The following NKAIN3 variants were observed in gnomAD, a reference collection of about 807,000 sequenced individuals.
NKAIN3 encodes sodium/potassium transporting ATPase interacting 3.
NKAIN3 carries 25 observed loss-of-function variants against 30.2 expected under a neutral mutation model. The ratio of observed to expected loss-of-function variants is 0.83; its 90% CI spans 0.60 to 1.16. NKAIN3 has a LOEUF of 1.16. Ranked by LOEUF, NKAIN3 falls within the 50% of genes most tolerant of loss-of-function variation. NKAIN3 has a pLI of 0.00. For synonymous variants in NKAIN3, 91 were observed against 89.6 expected (o/e 1.02, Z -0.09); for missense variants, 225 against 254.1 (o/e 0.89, Z 0.78).
chr8:62,340,074 C>T (rs529939201), intron 1 of NKAIN3, among the ~76,000 whole-genome samples: 1 of 151,948 alleles, frequency 6.6e-6, no homozygotes, highest in Non-Finnish European at 1.5e-5. Flanking sequence ...AAGAGTATAA[C>T]AAATTTATTT....
chr8:62,942,234 A>G (rs1189476306), intron 5 of NKAIN3, among the ~76,000 whole-genome samples: 1 of 141,746 alleles, frequency 7.1e-6, no homozygotes, highest in African/African-American at 2.7e-5. Flanking sequence ...ACATATATAT[A>G]CACATATATA....
intron 1 of NKAIN3, among the ~76,000 whole-genome samples, chr8:62,550,614 G>C (rs1809172682): frequency 6.6e-6 from 1 of 152,170 alleles, no homozygotes; most frequent in African/African-American, 2.4e-5. Context: ...GTTTAAAAGA[G>C]TAAAGTTCTC....
intron 4 of NKAIN3, among the ~76,000 whole-genome samples, chr8:62,792,932 A>G (rs918934786): frequency 6.6e-6 from 1 of 152,168 alleles, no homozygotes; most frequent in African/African-American, 2.4e-5. Flanking sequence ...TACTAAACCC[A>G]TGAAGGGCTT....
In NKAIN3 at chr8:62,982,234, G is replaced by A. The variant is rs1824099366; in HGVS notation, c.*16827G>A. ...TTAAGAACAGGTACCATTTTCTCCA[G>A]ATACTTCCCCTTCATCTGTCCTGAA... On this transcript the variant is annotated 3_prime_UTR_variant, in exon 7 of 7. Transcript: ENST00000623646. 1 of 152,108 alleles carries A rather than the reference G, an allele frequency of 6.6e-6. No individual in the cohort carries two copies. The highest frequency in any genetic ancestry group is 1.5e-5 in the Non-Finnish European group (1 of 68,006). The allele number at this position is 152,108 out of a possible 1,614,324, so 9.4% of individuals were successfully genotyped here. A position where few individuals can be genotyped will look rare whatever the true frequency, so the allele number is the denominator to read the frequency against.
At chr8:62,926,822 T>G (rs1457714899) in intron 5 of NKAIN3, among the ~76,000 whole-genome samples, 1 of 152,142 alleles carries the variant, frequency 6.6e-6, no homozygotes, top group Non-Finnish European at 1.5e-5. Context: ...ATCATCATCT[T>G]CCTGACAGAA....
At chr8:62,345,508 T>TAC (rs1238968819) in intron 1 of NKAIN3, among the ~76,000 whole-genome samples, 3 of 42,042 alleles carry the variant, frequency 7.1e-5, no homozygotes, top group Non-Finnish European at 1.5e-4. Context: ...TATATACACA[T>TAC]ATATACACAT....
chr8:62,856,140 TC>T (rs1362760965), intron 4 of NKAIN3: 7 of 721,310 alleles, frequency 9.7e-6, no homozygotes, highest in African/African-American at 1.8e-5. Context: ...AATCTGAGAC[TC>T]CCATAGATCT....
In NKAIN3 at chr8:62,977,465, T is replaced by A. The variant is rs1345215070; in HGVS notation, c.*12058T>A. Among the ~76,000 whole-genome samples the A allele has an allele frequency of 6.6e-6, 1 of 151,934 alleles. No homozygotes were observed. Among genetic ancestry groups the A allele is most frequent in the African/African-American group, 2.4e-5 (1 of 41,386 alleles). ...AGTTGATCTTCAGTCTCTGATATCCTTTCTTCTGCTTGATCGATTCAGCTA... is the reference window on the plus strand; with the variant it reads ...AGTTGATCTTCAGTCTCTGATATCCATTCTTCTGCTTGATCGATTCAGCTA... On this transcript the variant is annotated 3_prime_UTR_variant, in exon 7 of 7. Coordinates refer to ENST00000623646, the MANE Select transcript of NKAIN3 (RefSeq NM_001304533.3).
At chr8:62,617,537 A>G (rs765053041) in intron 3 of NKAIN3, among the ~76,000 whole-genome samples, 1 of 152,220 alleles carries the variant, frequency 6.6e-6, no homozygotes, top group Non-Finnish European at 1.5e-5. Flanking sequence ...AGCTTGAAGG[A>G]CTGCTGGGTA....
intron 4 of NKAIN3, among the ~76,000 whole-genome samples, chr8:62,801,843 CCA>C (rs1453305091): frequency 6.6e-6 from 1 of 152,078 alleles, no homozygotes; most frequent in African/African-American, 2.4e-5. Flanking sequence ...GAAATTCAAA[CCA>C]AAGGCAAAGA....
intron 5 of NKAIN3, among the ~76,000 whole-genome samples, chr8:62,934,419 A>AT (rs1197424695): frequency 1.3e-5 from 2 of 151,748 alleles, no homozygotes; most frequent in African/African-American, 4.8e-5. Context: ...AAAATAACTT[A>AT]TTTTTTCCAA....
At chr8:62,873,908 CG>C (rs1203565321) in intron 4 of NKAIN3, among the ~76,000 whole-genome samples, 1 of 151,850 alleles carries the variant, frequency 6.6e-6, no homozygotes, top group Non-Finnish European at 1.5e-5. Context: ...GACACCTAGA[CG>C]TCACAATTAA....
chr8:62,370,739 G>A (rs1416543993), intron 1 of NKAIN3, among the ~76,000 whole-genome samples: 1 of 151,944 alleles, frequency 6.6e-6, no homozygotes, highest in Non-Finnish European at 1.5e-5. Flanking sequence ...TTTTAAAATT[G>A]TAAAACATTC....
intron 1 of NKAIN3, among the ~76,000 whole-genome samples, chr8:62,444,769 A>G (rs1246727334): frequency 6.6e-6 from 1 of 152,112 alleles, no homozygotes; most frequent in Non-Finnish European, 1.5e-5. Context: ...TTTTCAGTTT[A>G]TGAAAAACCT....
intron 5 of NKAIN3, among the ~76,000 whole-genome samples, chr8:62,996,243 G>A (rs181070159): frequency 0.014 from 2,148 of 152,272 alleles, 22 homozygotes; most frequent in Non-Finnish European, 0.023. Flanking sequence ...AAGGCGAAAG[G>A]GAATGAAGGC....
intron 1 of NKAIN3, among the ~76,000 whole-genome samples, chr8:62,257,306 G>T (rs923824465): frequency 2.6e-5 from 4 of 152,128 alleles, no homozygotes; most frequent in Non-Finnish European, 5.9e-5. Flanking sequence ...ATATAACTAT[G>T]AAATTTATAA....
chr8:62,877,781 C>G (rs1365605779), intron 4 of NKAIN3, among the ~76,000 whole-genome samples: 1 of 152,098 alleles, frequency 6.6e-6, no homozygotes, highest in Non-Finnish European at 1.5e-5. Flanking sequence ...TGGCTCACAC[C>G]TGTAATCCCA....
intron 4 of NKAIN3, among the ~76,000 whole-genome samples, chr8:62,764,022 G>T (rs777523359): frequency 2.6e-5 from 4 of 152,206 alleles, no homozygotes; most frequent in Admixed American, 1.3e-4. Context: ...CATGTCTCTG[G>T]TTAGGGAGGG....
At chr8:62,698,244 AGT>A (rs147831096) in intron 3 of NKAIN3, among the ~76,000 whole-genome samples, 2,874 of 152,312 alleles carry the variant, frequency 0.019, 85 homozygotes, top group African/African-American at 0.064. Flanking sequence ...AAAATGTTCA[AGT>A]ACTTTTCTTA....
Sources: gnomAD v4.1 joint callset for allele counts (sites outside exome capture counted in the v4.1 genomes callset) on GRCh38, gnomAD v4.1.1 for gene constraint, MANE v1.5 for transcripts, NCBI Gene and HGNC (gene_info 2026-07-23, HGNC 2026-07-21) for gene names.